PRKN: variants seen among roughly 807,000 people sequenced by gnomAD.
The protein encoded by PRKN is E3 ubiquitin-protein ligase parkin.
PRKN carries 56 observed loss-of-function variants against 59.5 expected under a neutral mutation model. The ratio of observed to expected loss-of-function variants is 0.94; its 90% CI spans 0.76 to 1.18. The LOEUF is 1.18. PRKN is among the 50% of genes most tolerant of loss of function. The pLI is 0.00. For synonymous variants in PRKN, 250 were observed against 222.1 expected, an observed-to-expected ratio of 1.13 and a Z score of -1.12; for missense variants, 657 against 596.4, an observed-to-expected ratio of 1.10 and a Z score of -1.06.
chr6:161,863,874 T>C (rs1214864279), intron 6 of PRKN, among the ~76,000 whole-genome samples: 2 of 152,250 alleles, frequency 1.3e-5, no homozygotes, highest in African/African-American at 2.4e-5. Context: ...GCCATGTTTA[T>C]ACTATGCCAT....
At chr6:162,136,957 A>C (rs934075083) in intron 4 of PRKN, among the ~76,000 whole-genome samples, 1 of 151,840 alleles carries the variant, frequency 6.6e-6, no homozygotes, top group Admixed American at 6.6e-5. Flanking sequence ...AAAAATATTT[A>C]AAAATAATTA....
rs1187607377 is a variant in PRKN at position 161,874,878 on chromosome 6, AAATATAT to A, written c.735-88977_735-88971del. On this transcript the variant is annotated intron_variant, in intron 6 of 11. Coordinates refer to ENST00000366898, the MANE Select transcript of PRKN (RefSeq NM_004562.3). ...AAATATATATAAAATGTAAAATATA[AAATATAT>A]AATATATAATATATAATATATATTA... Among the ~76,000 whole-genome samples, 160 of 109,246 alleles carry A rather than the reference AAATATAT, an allele frequency of 1.5e-3. 1 individual carries two copies. The highest frequency in any genetic ancestry group is 0.012 in the Middle Eastern group (1 of 82). 71.7% of individuals were successfully genotyped at this position (109,246 alleles called of 152,430 possible).
chr6:162,068,744 G>A (rs566318798), intron 4 of PRKN, among the ~76,000 whole-genome samples: 3 of 151,644 alleles, frequency 2.0e-5, no homozygotes, highest in South Asian at 2.1e-4. Flanking sequence ...TAATTGGCAC[G>A]GTCAGGGAAA....
At chr6:161,723,796 G>A (rs940372672) in intron 7 of PRKN, among the ~76,000 whole-genome samples, 1 of 152,100 alleles carries the variant, frequency 6.6e-6, no homozygotes, top group Non-Finnish European at 1.5e-5. Context: ...TGCCTTTGCC[G>A]CTCCCTTCTT....
chr6:162,207,444 T>C (rs557419656), intron 3 of PRKN, among the ~76,000 whole-genome samples: 1 of 152,138 alleles, frequency 6.6e-6, no homozygotes, highest in Non-Finnish European at 1.5e-5. Flanking sequence ...GAAAAGTTGC[T>C]AAACTGGGCA....
chr6:162,105,647 G>T (rs539384694), intron 4 of PRKN, among the ~76,000 whole-genome samples: 6 of 152,268 alleles, frequency 3.9e-5, no homozygotes, highest in African/African-American at 1.4e-4. Flanking sequence ...TGATCCACCT[G>T]CCTTGGTCTC....
intron 5 of PRKN, among the ~76,000 whole-genome samples, chr6:162,021,053 A>C (rs1431066913): frequency 1.4e-5 from 2 of 146,916 alleles, no homozygotes; most frequent in Non-Finnish European, 3.0e-5. Context: ...CAGTGAGTCG[A>C]GATCATACCA....
chr6:161,874,166 TATATA>T (rs1219969410), intron 6 of PRKN, among the ~76,000 whole-genome samples: 5 of 48,756 alleles, frequency 1.0e-4, no homozygotes, highest in Non-Finnish European at 1.6e-4. Flanking sequence ...TTATATATAA[TATATA>T]ATATATATTA....
At chr6:162,011,476 A>ATATATTATAATATATTATAATATATAG (rs1782707015) in intron 5 of PRKN, among the ~76,000 whole-genome samples, 1 of 40,732 alleles carries the variant, frequency 2.5e-5, no homozygotes, top group African/African-American at 1.6e-4. Context: ...ATAATATATA[A>ATATATTATAATATATTATAATATATAG]TATATTATAA....
chr6:162,118,078 A>C (rs989292255), intron 4 of PRKN, among the ~76,000 whole-genome samples: 8 of 152,072 alleles, frequency 5.3e-5, no homozygotes, highest in African/African-American at 1.9e-4. Context: ...TCTGGGCGAC[A>C]AGAGTGAAAC....
At chr6:162,115,936 C>T (rs1780651770) in intron 4 of PRKN, among the ~76,000 whole-genome samples, 1 of 152,116 alleles carries the variant, frequency 6.6e-6, no homozygotes, top group South Asian at 2.1e-4. Flanking sequence ...ATCTTTTTTC[C>T]ACTGGGAATC....
intron 2 of PRKN, among the ~76,000 whole-genome samples, chr6:162,380,137 A>T (rs575215235): frequency 1.3e-5 from 2 of 152,216 alleles, no homozygotes; most frequent in South Asian, 4.1e-4. Flanking sequence ...TTCCATTTTA[A>T]TATTTCATCT....
intron 2 of PRKN, among the ~76,000 whole-genome samples, chr6:162,398,173 C>T (rs962514737): frequency 1.3e-5 from 2 of 151,910 alleles, no homozygotes; most frequent in African/African-American, 4.8e-5. Context: ...AATTAAAAAT[C>T]CCAGAGTGCT....
intron 7 of PRKN, among the ~76,000 whole-genome samples, chr6:161,580,433 C>T (rs1226557168): frequency 2.6e-5 from 4 of 152,102 alleles, no homozygotes; most frequent in African/African-American, 9.7e-5. Context: ...GCCCTTCATC[C>T]TGCACACTTA....
intron 4 of PRKN, among the ~76,000 whole-genome samples, chr6:162,198,952 T>C (rs1446067735): frequency 1.3e-5 from 2 of 152,190 alleles, no homozygotes; most frequent in South Asian, 2.1e-4. Context: ...ACACAAAGCA[T>C]ATTATTAAAT....
At chr6:162,556,082 C>T (rs371814180) in intron 1 of PRKN, among the ~76,000 whole-genome samples, 2 of 151,714 alleles carry the variant, frequency 1.3e-5, no homozygotes, top group South Asian at 2.1e-4. Context: ...AGGGAGGCAG[C>T]TAGCTGGGCC....
chr6:162,046,348 A>G (rs1460682581), intron 5 of PRKN, among the ~76,000 whole-genome samples: 1 of 152,254 alleles, frequency 6.6e-6, no homozygotes, highest in Non-Finnish European at 1.5e-5. Context: ...TACTGCACAT[A>G]AAGTGCGATA....
rs939221251 is a variant in PRKN at position 161,359,741 on chromosome 6, G to A, written c.1285+347C>T. The stretch of plus-strand genomic sequence containing the variant: ...AGGGTCATACGGTGCAGCCATCAGC[G>A]CTGGGGAAGGTCACCAGGGAGGACA... On this transcript the variant is annotated intron_variant, in intron 11 of 11. Coordinates refer to ENST00000366898, the MANE Select transcript of PRKN (RefSeq NM_004562.3). This position sits in a 1 kb window ranked among gnomAD's most constrained non-coding sequence, Gnocchi z 5.4. Among the ~76,000 whole-genome samples the A allele has an allele frequency of 6.6e-6, 1 of 152,142 alleles. No homozygotes were observed.
intron 6 of PRKN, among the ~76,000 whole-genome samples, chr6:161,859,415 C>T (rs890187198): frequency 1.3e-4 from 20 of 151,532 alleles, no homozygotes; most frequent in African/African-American, 1.7e-4. Flanking sequence ...CCATCCTGGC[C>T]AACATGCTGA....
Sources: allele counts gnomAD v4.1 joint callset (sites outside exome capture counted in the v4.1 genomes callset), GRCh38; gene constraint gnomAD v4.1.1; non-coding constraint Gnocchi (gnomAD v3.1); transcripts MANE v1.5; gene names NCBI Gene and HGNC (gene_info 2026-07-23, HGNC 2026-07-21).